RTTN: variants seen among roughly 807,000 people sequenced by gnomAD.
The protein encoded by RTTN is rotatin.
A neutral mutation model predicts 269.2 loss-of-function variants in RTTN; 182 were observed. The observed-to-expected ratio is 0.68, with a 90% confidence interval of 0.60 to 0.76. RTTN has a LOEUF of 0.76. RTTN is among the 30% of genes least tolerant of loss of function. RTTN has a pLI of 0.00. For missense variants in RTTN, 2,545 were observed against 2,608.6 expected (o/e 0.98, Z 0.53); for synonymous variants, 1,006 against 963.5 (o/e 1.04, Z -0.82).
chr18:70,131,089 AACCTAGAATTCTAT>A lies in RTTN; in HGVS notation c.2955-2557_2955-2544del, dbSNP rs1237940387. The A allele has an allele frequency of 2.6e-5, 4 of 151,698 alleles. No individual in the cohort carries two copies. The East Asian group carries it at 7.8e-4, about 29-fold the overall frequency. 9.4% of individuals were successfully genotyped at this position (151,698 alleles called of 1,614,324 possible). On this transcript the variant is annotated intron_variant, in intron 23 of 48. Transcript: ENST00000640769. ...TACAAAAAAATGGACTCCAACTGCCAACCTAGAATTCTATACCTAGTGATAACATTTTTTAAAAC... is the reference window on the plus strand; with the variant it reads ...TACAAAAAAATGGACTCCAACTGCCAACCTAGTGATAACATTTTTTAAAAC...
chr18:70,020,640 T>A lies in RTTN; in HGVS notation c.6128A>T (p.His2043Leu). The A allele has an allele frequency of 6.2e-7, 1 of 1,614,010 alleles. No individual in the cohort carries two copies. Among genetic ancestry groups the A allele is most frequent in the East Asian group, 2.2e-5 (1 of 44,886 alleles). ...CTTCTGAATTACTCCTTTACAGTCATGCGACAAGGCCAGGTTTGAAAGAAG... is the reference window on the plus strand; with the variant it reads ...CTTCTGAATTACTCCTTTACAGTCAAGCGACAAGGCCAGGTTTGAAAGAAG... ...FMLLSNLALS[H>L]DCKGVIQKSN... The change falls in exon 45 of 49, where the codon CAT becomes CTT. Residue 2043 changes from histidine (H) to leucine (L), a missense_variant. His to Leu is a moderately conservative substitution (Grantham distance 99, BLOSUM62 -3). Transcript: ENST00000640769.
intron 28 of RTTN, among the ~76,000 whole-genome samples, chr18:70,095,314 T>C (rs2145277048): frequency 6.6e-6 from 1 of 152,342 alleles, no homozygotes; most frequent in East Asian, 1.9e-4. Flanking sequence ...AGATTAATAT[T>C]GTTATGTGTG....
chr18:70,140,074 A>C, intron 20 of RTTN, 26 bp downstream of exon 20: 2 of 1,425,944 alleles, frequency 1.4e-6, no homozygotes. Context: ...CCTGTAAAAC[A>C]ATGTCTAGAT....
intron 11 of RTTN, among the ~76,000 whole-genome samples, chr18:70,174,374 C>G (rs1165546113): frequency 6.6e-6 from 1 of 152,050 alleles, no homozygotes. Flanking sequence ...GTGTACTACT[C>G]TTTTTATCCA....
At chr18:70,127,886 T>G (rs1018281952) in intron 24 of RTTN, 145 bp from the exon 25 acceptor site, 2 of 719,186 alleles carry the variant, frequency 2.8e-6, no homozygotes, top group African/African-American at 3.6e-5. Flanking sequence ...GAAGAAAAAC[T>G]GATACATATC....
chr18:70,114,502 T>G lies in RTTN; in HGVS notation c.3626A>C (p.Lys1209Thr). 6.2e-7 allele frequency: 1 copy of G among 1,613,694 alleles called. No individual in the cohort carries two copies. The highest frequency in any genetic ancestry group is 8.5e-7 in the Non-Finnish European group (1 of 1,179,664). ...IRTAVRQQLQ[K>T]ELIALFDTLL... is the part of the protein sequence containing the mutation. ...GGTATCAAAAAGAGCAATCAGTTCT[T>G]TCTGAAGTTGTTGCCTGACAGCAGT... is the stretch of plus-strand genomic sequence containing the variant. The change falls in exon 27 of 49, where the codon AAA (lysine) becomes ACA (threonine). Residue 1209 changes from lysine (K) to threonine (T), a missense_variant. Coordinates refer to ENST00000640769, the MANE Select transcript of RTTN (RefSeq NM_173630.4).
chr18:70,055,336 CTTT>C (rs2057787812), intron 37 of RTTN, among the ~76,000 whole-genome samples: 1 of 151,906 alleles, frequency 6.6e-6, no homozygotes, highest in South Asian at 2.1e-4. Flanking sequence ...CACACACACA[CTTT>C]TTTTCCTCTC....
chr18:70,008,910 G>T (rs1466662427), intron 46 of RTTN: 1 of 151,994 alleles, frequency 6.6e-6, no homozygotes, highest in African/African-American at 2.4e-5. Context: ...GAAATACAGA[G>T]AACACCACAA....
intron 28 of RTTN, among the ~76,000 whole-genome samples, chr18:70,106,375 ATG>A (rs200762983): frequency 0.012 from 1,873 of 152,294 alleles, 22 homozygotes; most frequent in South Asian, 0.037. Context: ...TAAAAATATA[ATG>A]TATTAAGTAA....
rs78271411 is a variant in RTTN, at chr18:70,151,902, C to T, written c.1930-1169G>A. Among the ~76,000 whole-genome samples, 765 of 152,278 alleles carry T rather than the reference C, an allele frequency of 5.0e-3. 5 individuals are homozygous for T. The highest frequency in any genetic ancestry group is 0.017 in the African/African-American group (722 of 41,570). ...CATTTTTCAGCTCTCCTTCCCACCACGAGTCCTCACAAGAGTTCGCTGTCC... is the reference window on the plus strand; with the variant it reads ...CATTTTTCAGCTCTCCTTCCCACCATGAGTCCTCACAAGAGTTCGCTGTCC... On this transcript the variant is annotated intron_variant, in intron 14 of 48. Transcript: ENST00000640769.
At chr18:70,095,967 T>A (rs2058991512) in intron 28 of RTTN, among the ~76,000 whole-genome samples, 1 of 152,088 alleles carries the variant, frequency 6.6e-6, no homozygotes, top group African/African-American at 2.4e-5. Context: ...CATAGTCCCA[T>A]ATTTCTTGGA....
intron 27 of RTTN, among the ~76,000 whole-genome samples, chr18:70,110,141 G>A (rs1268642006): frequency 6.6e-6 from 1 of 152,026 alleles, no homozygotes; most frequent in Non-Finnish European, 1.5e-5. Context: ...TGAGGCAGGA[G>A]GATCTCTTAA....
At chr18:70,096,999 T>C (rs756973271) in intron 28 of RTTN, among the ~76,000 whole-genome samples, 1 of 152,220 alleles carries the variant, frequency 6.6e-6, no homozygotes, top group African/African-American at 2.4e-5. Flanking sequence ...TAAGTCATCT[T>C]TGGAGATATC....
At chr18:70,121,395 G>C (rs548379697) in intron 26 of RTTN, among the ~76,000 whole-genome samples, 161 bp downstream of exon 26, 1 of 152,184 alleles carries the variant, frequency 6.6e-6, no homozygotes, top group African/African-American at 2.4e-5. Context: ...ATTCACAATC[G>C]TATCAGGAAA....
chr18:70,200,830 G>A (rs1472291763), intron 4 of RTTN, among the ~76,000 whole-genome samples: 2 of 152,186 alleles, frequency 1.3e-5, no homozygotes, highest in Non-Finnish European at 2.9e-5. Flanking sequence ...GTCTTTATTA[G>A]TAAAATGTGG....
At chr18:70,011,882 A>G (rs9953212) in intron 46 of RTTN, among the ~76,000 whole-genome samples, 2,878 of 151,980 alleles carry the variant, frequency 0.019, 71 homozygotes, top group African/African-American at 0.066. Flanking sequence ...GCGTCTGCTC[A>G]CTGGTGTTAG....
At chr18:70,078,683 C>CACTTTCTT (rs2058487997) in intron 32 of RTTN, among the ~76,000 whole-genome samples, 1 of 151,998 alleles carries the variant, frequency 6.6e-6, no homozygotes, top group African/African-American at 2.4e-5. Context: ...AAAGTGTAAT[C>CACTTTCTT]ACAGCCCACT....
chr18:70,004,372 C>A, intron 48 of RTTN, 136 bp from the exon 49 acceptor site: 1 of 493,906 alleles, frequency 2.0e-6, no homozygotes, highest in Non-Finnish European at 3.5e-6. Flanking sequence ...GATGTAATAG[C>A]ATTCCAGAAT....
intron 28 of RTTN, among the ~76,000 whole-genome samples, chr18:70,093,530 G>A (rs373164003): frequency 1.1e-4 from 17 of 152,166 alleles, no homozygotes; most frequent in South Asian, 8.3e-4. Flanking sequence ...GAATTTTATC[G>A]AAAGACTTTT....
Sources: allele counts gnomAD v4.1 joint callset (sites outside exome capture counted in the v4.1 genomes callset), GRCh38; gene constraint gnomAD v4.1.1; transcripts MANE v1.5; gene names NCBI Gene and HGNC (gene_info 2026-07-23, HGNC 2026-07-21).